The following KLF12 variants were observed in gnomAD, a reference collection of about 807,000 sequenced individuals.
The protein encoded by KLF12 is KLF transcription factor 12, also known as Krueppel-like factor 12.
KLF12 carries 9 observed loss-of-function variants against 37.8 expected under a neutral mutation model. The observed-to-expected ratio is 0.24, with a 90% CI of 0.14 to 0.42. The LOEUF is 0.42. Among genes scored for constraint, KLF12 ranks in the 10% least tolerant of loss-of-function variants. KLF12 has a pLI of 1.00. For missense variants in KLF12, 411 were observed against 516.0 expected, an observed-to-expected ratio of 0.80 and a Z score of 1.97; for synonymous variants, 208 against 202.1, an observed-to-expected ratio of 1.03 and a Z score of -0.25.
chr13:73,753,954 TC>T (rs1878967954), intron 6 of KLF12, among the ~76,000 whole-genome samples: 1 of 152,134 alleles, frequency 6.6e-6, no homozygotes, highest in Non-Finnish European at 1.5e-5. Context: ...AGCCCTTTTC[TC>T]CTTGAAAGCC....
At chr13:74,298,913 C>T in the KLF12 span, among the ~76,000 whole-genome samples, 6 of 152,112 alleles carry the variant, frequency 3.9e-5, no homozygotes, top group African/African-American at 1.4e-4. Flanking sequence ...GAATTCAATT[C>T]CATGAGGGCC....
chr13:74,287,241 G>T, the KLF12 span, among the ~76,000 whole-genome samples: 73 of 152,134 alleles, frequency 4.8e-4, no homozygotes, highest in African/African-American at 1.7e-3. Flanking sequence ...GCTCATGCAG[G>T]TGACCTCTGT....
the KLF12 span, among the ~76,000 whole-genome samples, chr13:74,293,650 G>T: frequency 6.6e-6 from 1 of 152,124 alleles, no homozygotes; most frequent in Non-Finnish European, 1.5e-5. Context: ...ATGGCATCCA[G>T]CTTACGTAAG....
intron 3 of KLF12, among the ~76,000 whole-genome samples, chr13:73,930,949 C>T (rs939029248): frequency 7.2e-6 from 1 of 139,706 alleles, no homozygotes; most frequent in Admixed American, 7.9e-5. Flanking sequence ...CAACATCCTT[C>T]GGGTTCAAGC....
intron 1 of KLF12, among the ~76,000 whole-genome samples, chr13:74,017,828 T>C (rs1892738221): frequency 1.3e-5 from 2 of 152,060 alleles, no homozygotes; most frequent in South Asian, 4.1e-4. Flanking sequence ...CGCCCTGGCA[T>C]ATCAATGATT....
rs143241473 is a variant in KLF12, at chr13:73,752,242, C to T, written c.869+12696G>A. Reference sequence around the variant, plus strand: ...AAGAGATCCATCTGCATTGGCCTCCCAAAGTGTTGGGATTACAGGCATGAG... The same window carrying T: ...AAGAGATCCATCTGCATTGGCCTCCTAAAGTGTTGGGATTACAGGCATGAG... On this transcript the variant is annotated intron_variant, in intron 6 of 7. Transcript: ENST00000377669. Among the ~76,000 whole-genome samples the T allele has an allele frequency of 8.8e-4, 134 of 152,274 alleles. 2 individuals are homozygous for T. Among genetic ancestry groups the T allele is most frequent in the East Asian group, 5.4e-3 (28 of 5,166 alleles).
intron 1 of KLF12, among the ~76,000 whole-genome samples, chr13:74,049,774 C>A (rs1172369657): frequency 1.3e-5 from 2 of 152,024 alleles, no homozygotes; most frequent in Non-Finnish European, 2.9e-5. Flanking sequence ...CAGCATCAAC[C>A]AAATAGGGGA....
intron 4 of KLF12, among the ~76,000 whole-genome samples, chr13:73,813,716 G>C (rs1883064511): frequency 6.6e-6 from 1 of 152,156 alleles, no homozygotes; most frequent in Admixed American, 6.5e-5. Flanking sequence ...GATATTAGTT[G>C]CTTATAGCTC....
At chr13:74,270,559 G>A in the KLF12 span, among the ~76,000 whole-genome samples, 3,209 of 152,286 alleles carry the variant, frequency 0.021, 127 homozygotes, top group African/African-American at 0.074. Flanking sequence ...AAAACTTTGT[G>A]TTGGGACCTC....
the KLF12 span, among the ~76,000 whole-genome samples, chr13:74,268,383 G>A: frequency 1.1e-3 from 162 of 152,242 alleles, 2 homozygotes; most frequent in African/African-American, 3.6e-3. Flanking sequence ...TAGAAGCACC[G>A]TTAATTATGG....
chr13:73,842,380 T>C (rs999462128), intron 4 of KLF12, among the ~76,000 whole-genome samples: 4 of 152,238 alleles, frequency 2.6e-5, no homozygotes, highest in Admixed American at 2.6e-4. Flanking sequence ...TTTCTATGAT[T>C]ATTTCGTGGA....
chr13:74,234,155 T>G, the KLF12 span, among the ~76,000 whole-genome samples: 4 of 152,204 alleles, frequency 2.6e-5, no homozygotes, highest in African/African-American at 9.6e-5. Context: ...TAAAACAGCT[T>G]AAAAAATAAA....
At chr13:74,238,673 G>C in the KLF12 span, among the ~76,000 whole-genome samples, 4 of 149,202 alleles carry the variant, frequency 2.7e-5, no homozygotes, top group African/African-American at 1.0e-4. Context: ...TCTTGGGAGA[G>C]TGTATGTGTC....
chr13:74,126,990 A>G (rs1350288763), intron 1 of KLF12, among the ~76,000 whole-genome samples: 1 of 152,172 alleles, frequency 6.6e-6, no homozygotes, highest in Admixed American at 6.6e-5. Context: ...TGTACCTACT[A>G]TTTACTCTGA....
At chr13:74,079,632 G>A (rs967890465) in intron 1 of KLF12, among the ~76,000 whole-genome samples, 9 of 152,228 alleles carry the variant, frequency 5.9e-5, no homozygotes, top group East Asian at 1.9e-4. Flanking sequence ...CTGAGATAGC[G>A]CTTCACACAA....
At chr13:74,014,864 A>G (rs749359704) in intron 1 of KLF12, among the ~76,000 whole-genome samples, 11 of 152,188 alleles carry the variant, frequency 7.2e-5, no homozygotes, top group African/African-American at 2.7e-4. Flanking sequence ...TTTGAAATGA[A>G]TAAGTAAGGA....
At chr13:73,974,609 C>T (rs931020098) in intron 2 of KLF12, among the ~76,000 whole-genome samples, 24 of 152,032 alleles carry the variant, frequency 1.6e-4, no homozygotes, top group South Asian at 2.1e-4. Flanking sequence ...TTAACAGAGA[C>T]GCTATGGCAA....
the KLF12 span, among the ~76,000 whole-genome samples, chr13:74,218,317 G>A: frequency 6.6e-6 from 1 of 152,322 alleles, no homozygotes; most frequent in South Asian, 2.1e-4. Flanking sequence ...TAAGGCAAAT[G>A]AAAAGGGAGT....
the KLF12 span, among the ~76,000 whole-genome samples, chr13:74,271,328 A>G: frequency 1.3e-5 from 2 of 152,192 alleles, no homozygotes; most frequent in Non-Finnish European, 2.9e-5. Context: ...AAAAAGGGCA[A>G]CTATGCTTAA....
Sources: gnomAD v4.1 joint callset for allele counts (sites outside exome capture counted in the v4.1 genomes callset) on GRCh38, gnomAD v4.1.1 for gene constraint, MANE v1.5 for transcripts, NCBI Gene and HGNC (gene_info 2026-07-23, HGNC 2026-07-21) for gene names.